The following FAM107A variants were observed in gnomAD, a reference collection of about 807,000 sequenced individuals.
FAM107A encodes the protein actin-associated protein FAM107A.
Under a neutral mutation model 13.7 loss-of-function variants are expected in FAM107A, and 19 were observed. The ratio of observed to expected loss-of-function variants is 1.38; its 90% confidence interval spans 0.97 to 2.03. FAM107A has a LOEUF of 2.03. FAM107A is among the 30% of genes most tolerant of loss of function. The probability of loss-of-function intolerance (pLI) is 0.00; values close to 1 mark genes in which losing one functional copy is unlikely to be tolerated. For missense variants in FAM107A, 203 were observed against 184.4 expected (o/e 1.10, Z -0.58); for synonymous variants, 82 against 74.5 (o/e 1.10, Z -0.52).
At chr3:58,571,758 C>T (rs979698178) in intron 1 of FAM107A, among the ~76,000 whole-genome samples, 5 of 152,314 alleles carry the variant, frequency 3.3e-5, no homozygotes, top group Non-Finnish European at 4.4e-5. Context: ...TTCTCAGCTA[C>T]GCTCTTTCCT....
chr3:58,603,804 T>A (rs2065771533), intron 1 of FAM107A, among the ~76,000 whole-genome samples: 1 of 151,714 alleles, frequency 6.6e-6, no homozygotes, highest in Non-Finnish European at 1.5e-5. Flanking sequence ...GTAACAGGCA[T>A]GTGGGTGTGC....
chr3:58,568,530 A>T lies in FAM107A; in HGVS notation c.170+1161T>A, dbSNP rs187385238. 3.8e-3 allele frequency among the ~76,000 whole-genome samples: 572 copies of T among 152,314 alleles called. 7 individuals carry two copies. The highest frequency in any genetic ancestry group is 0.013 in the African/African-American group (545 of 41,576). ...AATAAAATTTATTTATATTACAAAT[A>T]CTTTCTCTGATTTGTCTTTAAGCTT... On this transcript the variant is annotated intron_variant, in intron 2 of 3. Transcript: ENST00000360997.
chr3:58,570,544 C>G (rs750942727), intron 1 of FAM107A: 4 of 162,510 alleles, frequency 2.5e-5, no homozygotes, highest in Non-Finnish European at 5.0e-5. Flanking sequence ...CTTCTACAAA[C>G]TGGCTCCTTA....
At position 58,569,582 on chromosome 3, in the gene FAM107A, C is replaced by T. The variant is rs546193323; in HGVS notation, c.170+109G>A. 3 of 930,610 alleles carry T rather than the reference C, an allele frequency of 3.2e-6. No individual in the cohort carries two copies. The highest frequency in any genetic ancestry group is 1.7e-5 in the African/African-American group (1 of 60,334). The allele number at this position is 930,610 out of a possible 1,614,324, so 57.6% of individuals were successfully genotyped here. A position where few individuals can be genotyped will look rare whatever the true frequency, so the allele number is the denominator to read the frequency against. On this transcript the variant is annotated intron_variant, in intron 2 of 3. Transcript: ENST00000360997. This position sits in a 1 kb window ranked among gnomAD's most constrained non-coding sequence, Gnocchi z 5.7. ...GGGGCACCTCAGCCTTCCTCAGTCT[C>T]CAGGAGCCCCAGGATGAAAGCCAGC... is the stretch of plus-strand genomic sequence containing the variant.
upstream of FAM107A, among the ~76,000 whole-genome samples, chr3:58,589,476 T>C (rs1575448086): frequency 6.6e-6 from 1 of 152,170 alleles, no homozygotes; most frequent in East Asian, 1.9e-4. Flanking sequence ...TGCGTATTTA[T>C]GAGACTCATG....
chr3:58,617,075 G>T lies in FAM107A; in HGVS notation c.-70+10341C>A, dbSNP rs1319858653. Among the ~76,000 whole-genome samples, 4 of 152,086 alleles carry T rather than the reference G, an allele frequency of 2.6e-5. No individual in the cohort carries two copies. The highest frequency in any genetic ancestry group is 9.7e-5 in the African/African-American group (4 of 41,414). On this transcript the variant is annotated intron_variant, in intron 1 of 3. Transcript: ENST00000465970. This position sits in a 1 kb window ranked among gnomAD's most constrained non-coding sequence, Gnocchi z 4.5. Reference sequence around the variant, plus strand: ...GCGTGAGCCACCGCGCCTGGCCTCGGCTACCCAGTTTCTGATCGTTTGTTA... The same window carrying T: ...GCGTGAGCCACCGCGCCTGGCCTCGTCTACCCAGTTTCTGATCGTTTGTTA...
chr3:58,590,068 C>T (rs2065643545), upstream of FAM107A, among the ~76,000 whole-genome samples: 1 of 152,220 alleles, frequency 6.6e-6, no homozygotes, highest in Admixed American at 6.5e-5. Flanking sequence ...TCTAAGCCAA[C>T]ATTCCCCTAA....
intron 1 of FAM107A, among the ~76,000 whole-genome samples, chr3:58,601,793 A>G (rs2065754011): frequency 6.6e-6 from 1 of 152,220 alleles, no homozygotes; most frequent in Non-Finnish European, 1.5e-5. Flanking sequence ...TTCTGAAAAG[A>G]TTCTTCAAGT....
intron 1 of FAM107A, among the ~76,000 whole-genome samples, chr3:58,611,282 C>A (rs1450795600): frequency 6.6e-6 from 1 of 152,188 alleles, no homozygotes; most frequent in Non-Finnish European, 1.5e-5. Context: ...TGCCAGGGGC[C>A]CCCAACACCA....
intron 1 of FAM107A, among the ~76,000 whole-genome samples, chr3:58,605,242 C>T (rs2065783105): frequency 6.6e-6 from 1 of 152,168 alleles, no homozygotes; most frequent in Non-Finnish European, 1.5e-5. Flanking sequence ...ACTCTCCCAG[C>T]CCCAGTTCAC....
upstream of FAM107A, among the ~76,000 whole-genome samples, chr3:58,589,519 A>G (rs1030590501): frequency 7.2e-5 from 11 of 152,166 alleles, no homozygotes; most frequent in Admixed American, 2.6e-4. Context: ...TATTATTTTT[A>G]AAAACAGTTT....
Position 58,569,035 on chromosome 3 carries a change from G to A in FAM107A, c.170+656C>T, listed in dbSNP as rs928917413. 1.3e-5 allele frequency among the ~76,000 whole-genome samples: 2 copies of A among 152,108 alleles called. No individual in the cohort carries two copies. Among genetic ancestry groups the A allele is most frequent in the African/African-American group, 4.8e-5 (2 of 41,416 alleles). On this transcript the variant is annotated intron_variant, in intron 2 of 3. Coordinates refer to ENST00000360997, the MANE Select transcript of FAM107A (RefSeq NM_001076778.3). The surrounding 1 kb of genome is among the most constrained non-coding windows in gnomAD (Gnocchi z 5.7). ...TCCCCCATCCCACCTCACCAGACGG[G>A]CCCACCACACCTTGTGCCCCTGCTG... is the stretch of plus-strand genomic sequence containing the variant.
In FAM107A at chr3:58,603,135, A is replaced by G. The variant is rs556405879; in HGVS notation, c.-69-13866T>C. 8.8e-4 allele frequency among the ~76,000 whole-genome samples: 134 copies of G among 152,338 alleles called. 4 individuals are homozygous for G. The South Asian group carries it at 0.027, about 31-fold the overall frequency. Reference sequence around the variant, plus strand: ...GCTTTGTTATATTGGTTTAGGAAATAAAGGAAGTTGATAACTCTGCCTCAA... The same window carrying G: ...GCTTTGTTATATTGGTTTAGGAAATGAAGGAAGTTGATAACTCTGCCTCAA... On this transcript the variant is annotated intron_variant, in intron 1 of 3. Coordinates refer to the FAM107A transcript ENST00000465970.
Position 58,587,047 on chromosome 3 carries a change from A to C in FAM107A, c.-111T>G, listed in dbSNP as rs114639859. ...CGACGGTGACGCGGCCCCAAGTCCC[A>C]AACCCCGCTGAGGGTCAAGTTACGG... On this transcript the variant is annotated 5_prime_UTR_variant, in exon 1 of 4. Transcript: ENST00000447756. 4,481 of 1,369,306 alleles carry C rather than the reference A, an allele frequency of 3.3e-3. 37 individuals carry two copies. The highest frequency in any genetic ancestry group is 0.03 in the Middle Eastern group (112 of 3,760). The allele number at this position is 1,369,306 out of a possible 1,614,324, so 84.8% of individuals were successfully genotyped here.
chr3:58,601,681 A>G (rs1465632645), intron 1 of FAM107A, among the ~76,000 whole-genome samples: 1 of 152,182 alleles, frequency 6.6e-6, no homozygotes, highest in Non-Finnish European at 1.5e-5. Flanking sequence ...TTCTAGGTCA[A>G]TGGCTGGGAT....
intron 1 of FAM107A, among the ~76,000 whole-genome samples, chr3:58,626,301 G>A (rs73078219): frequency 2.5e-4 from 38 of 152,278 alleles, no homozygotes; most frequent in Non-Finnish European, 4.9e-4. Flanking sequence ...GGATGCTGAC[G>A]CAGGGGTCCG....
intron 1 of FAM107A, among the ~76,000 whole-genome samples, chr3:58,600,935 G>C (rs575017573): frequency 6.6e-6 from 1 of 152,178 alleles, no homozygotes. Context: ...CCTGTGGAAA[G>C]AGCCAGCGTT....
In FAM107A at chr3:58,619,957, G is replaced by A. The variant is rs866033152; in HGVS notation, c.-70+7459C>T. ...GGAGGGGAAGGAGGGACATGTGGGG[G>A]AAACTGAGGGATTCAGTCTATGTCC... On this transcript the variant is annotated intron_variant, in intron 1 of 3. Coordinates refer to the FAM107A transcript ENST00000465970. 1.3e-3 allele frequency among the ~76,000 whole-genome samples: 198 copies of A among 152,042 alleles called. 5 individuals are homozygous for A. The highest frequency in any genetic ancestry group is 1.2e-3 in the Admixed American group (19 of 15,264).
chr3:58,582,713 A>G (rs910136834), upstream of FAM107A, among the ~76,000 whole-genome samples: 2 of 152,230 alleles, frequency 1.3e-5, no homozygotes, highest in African/African-American at 4.8e-5. Context: ...TATGTTCTGG[A>G]GAGCCCTTCA....
Sources: gnomAD v4.1 joint callset for allele counts (sites outside exome capture counted in the v4.1 genomes callset) on GRCh38, gnomAD v4.1.1 for gene constraint, Gnocchi (gnomAD v3.1) non-coding constraint, MANE v1.5 for transcripts, NCBI Gene and HGNC (gene_info 2026-07-23, HGNC 2026-07-21) for gene names.